GNPTG: variants seen among roughly 807,000 people sequenced by gnomAD.
The protein encoded by GNPTG is N-acetylglucosamine-1-phosphate transferase subunit gamma.
In GNPTG, 46 loss-of-function variants were observed where a neutral mutation model predicts 43.8. The observed-to-expected ratio is 1.05, with a 90% CI of 0.83 to 1.34. The LOEUF is 1.34. Ranked by LOEUF, GNPTG falls within the 40% of genes most tolerant of loss-of-function variation. The pLI, the probability that GNPTG is intolerant of heterozygous loss-of-function variation, is 0.00. For synonymous variants in GNPTG, 250 were observed against 172.8 expected (o/e 1.45, Z -3.50); for missense variants, 549 against 411.3 (o/e 1.33, Z -2.90).
chr16:1,361,512 C>T (rs905627548), intron 3 of GNPTG: 96 of 496,096 alleles, frequency 1.9e-4, no homozygotes, highest in South Asian at 6.0e-4. Flanking sequence ...GGCATGGTGG[C>T]GGGCGCCTGT....
intron 3 of GNPTG, among the ~76,000 whole-genome samples, chr16:1,353,069 A>C (rs1253847156): frequency 6.7e-6 from 1 of 149,982 alleles, no homozygotes; most frequent in African/African-American, 2.5e-5. Flanking sequence ...TCCCAGGTTC[A>C]AGCGATCCTC....
rs947674268 is a variant in GNPTG at position 1,363,248 on chromosome 16, C to T, written c.*157C>T. The stretch of plus-strand genomic sequence containing the variant: ...TTAATTCCCATACTGATAAAAATAA[C>T]TCCATGAATTCTGTAAACCATTGCA... On this transcript the variant is annotated 3_prime_UTR_variant, in exon 11 of 11. Coordinates refer to ENST00000204679, the MANE Select transcript of GNPTG (RefSeq NM_032520.5). 2.9e-6 allele frequency: 2 copies of T among 698,808 alleles called. No homozygotes were observed. The highest frequency in any genetic ancestry group is 1.6e-5 in the South Asian group (1 of 63,874). 43.3% of individuals were successfully genotyped at this position (698,808 alleles called of 1,614,324 possible).
In GNPTG at chr16:1,351,982, C is replaced by A; in HGVS notation, c.17C>A (p.Ala6Glu). MAAGLARLLLLLGLSA... is the reference protein window; with the variant it reads MAAGLERLLLLLGLSA... The stretch of plus-strand genomic sequence containing the variant: ...TGCGGCGCGATGGCGGCGGGGCTGG[C>A]GCGGCTCCTGTTGCTCCTCGGGCTC... The change falls in exon 1 of 11, where the codon GCG (alanine) becomes GAG (glutamate). Residue 6 changes from alanine to glutamate, a missense_variant. Ala to Glu is a moderately radical substitution (Grantham distance 107). Transcript: ENST00000204679. 1.4e-6 allele frequency: 2 copies of A among 1,386,838 alleles called. No homozygotes were observed. Among genetic ancestry groups the A allele is most frequent in the Non-Finnish European group, 9.3e-7 (1 of 1,072,040 alleles). 85.9% of individuals were successfully genotyped at this position (1,386,838 alleles called of 1,614,324 possible).
chr16:1,351,967 TGGC>T lies in GNPTG; in HGVS notation c.8_10del (p.Ala3?), dbSNP rs1344845304. The T allele has an allele frequency of 1.5e-6, 2 of 1,302,266 alleles. No homozygotes were observed. Among genetic ancestry groups the T allele is most frequent in the African/African-American group, 3.1e-5 (2 of 64,518 alleles). 80.7% of individuals were successfully genotyped at this position (1,302,266 alleles called of 1,614,324 possible). ...CCGCGCGGCGGCCGCTGCGGCGCGATGGCGGCGGGGCTGGCGCGGCTCCTGTTG... is the reference window on the plus strand; with the variant it reads ...CCGCGCGGCGGCCGCTGCGGCGCGATGGCGGGGCTGGCGCGGCTCCTGTTG... On this transcript the variant is annotated start_lost and inframe_deletion, in exon 1 of 11. Coordinates refer to ENST00000204679, the MANE Select transcript of GNPTG (RefSeq NM_032520.5).
Position 1,352,162 on chromosome 16 carries a change from G to A in GNPTG, c.110+3G>A. 6.3e-7 allele frequency: 1 copy of A among 1,575,244 alleles called. No homozygotes were observed. The highest frequency in any genetic ancestry group is 8.6e-7 in the Non-Finnish European group (1 of 1,162,070). ...GTGGAGGAGCCCAACGCGTTTGGGT[G>A]AGCAGCCTCGCGGGCTGGCGGCTCG... On this transcript the variant is annotated splice_donor_region_variant and intron_variant, in intron 2 of 10. Transcript: ENST00000204679.
intron 3 of GNPTG, among the ~76,000 whole-genome samples, chr16:1,356,808 CG>C (rs148005707): frequency 0.014 from 2,160 of 152,288 alleles, 54 homozygotes; most frequent in African/African-American, 0.048. Flanking sequence ...AGCCTGGGAA[CG>C]TGAGTTCCCA....
In GNPTG at chr16:1,352,145, GC is replaced by G. The variant is rs779788991; in HGVS notation, c.99del (p.Asn34ThrfsTer5). On this transcript the variant is annotated frameshift_variant, in exon 2 of 11. Transcript: ENST00000204679. LOFTEE classifies it high-confidence loss of function. ...CAGCGAAGATGAAGGTGGTGGAGGA[GC>G]CCAACGCGTTTGGGTGAGCAGCCTC... is the stretch of plus-strand genomic sequence containing the variant. ...GAAKMKVVEEPNAFGVNNPFL... is the reference protein window; with the variant it reads ...GAAKMKVVEEXNAFGVNNPFL... 6.3e-7 allele frequency: 1 copy of G among 1,581,392 alleles called. No homozygotes were observed. Among genetic ancestry groups the G allele is most frequent in the Non-Finnish European group, 8.6e-7 (1 of 1,165,420 alleles).
chr16:1,359,646 G>A (rs1248143092), intron 3 of GNPTG, among the ~76,000 whole-genome samples: 1 of 152,174 alleles, frequency 6.6e-6, no homozygotes, highest in Non-Finnish European at 1.5e-5. Context: ...CAGTATGTAC[G>A]AGTCTCTCAA....
At position 1,361,854 on chromosome 16, in the gene GNPTG, T is replaced by C. The variant is rs2034888726; in HGVS notation, c.234-18T>C. The stretch of plus-strand genomic sequence containing the variant: ...GGGCGCAGCCTGCGGACCCCCCTCA[T>C]GCCATCTGTGTCCCCAGGTACAAGT... On this transcript the variant is annotated intron_variant, in intron 4 of 10. Coordinates refer to ENST00000204679, the MANE Select transcript of GNPTG (RefSeq NM_032520.5). 2 of 1,613,958 alleles carry C rather than the reference T, an allele frequency of 1.2e-6. No individual in the cohort carries two copies. Among genetic ancestry groups the C allele is most frequent in the Non-Finnish European group, 1.7e-6 (2 of 1,179,996 alleles).
In GNPTG at chr16:1,362,596, A is replaced by G; in HGVS notation, c.610-15A>G. On this transcript the variant is annotated splice_polypyrimidine_tract_variant and intron_variant, in intron 8 of 10. Transcript: ENST00000204679. ...GCTGGGAGCTGGGTGCTGCCCCTGC[A>G]TCCTCCACCTTCAGGGCCATGAGAA... 1 of 1,614,160 alleles carries G rather than the reference A, an allele frequency of 6.2e-7. No individual in the cohort carries two copies. The highest frequency in any genetic ancestry group is 8.5e-7 in the Non-Finnish European group (1 of 1,180,028).
Position 1,352,173 on chromosome 16 carries a change from C to G in GNPTG, c.110+14C>G. ...CAACGCGTTTGGGTGAGCAGCCTCG[C>G]GGGCTGGCGGCTCGAGCGGGGGACG... On this transcript the variant is annotated intron_variant, in intron 2 of 10. Transcript: ENST00000204679. The G allele has an allele frequency of 6.4e-7, 1 of 1,568,148 alleles. No homozygotes were observed. The highest frequency in any genetic ancestry group is 8.6e-7 in the Non-Finnish European group (1 of 1,158,166).
chr16:1,360,955 C>G (rs1165143713), intron 3 of GNPTG: 1 of 152,474 alleles, frequency 6.6e-6, no homozygotes, highest in Non-Finnish European at 1.5e-5. Flanking sequence ...GTGGGGAAGA[C>G]AGGGTCTTGC....
intron 3 of GNPTG, among the ~76,000 whole-genome samples, chr16:1,359,970 G>A (rs1401450827): frequency 2.0e-5 from 3 of 152,204 alleles, no homozygotes; most frequent in South Asian, 2.1e-4. Context: ...TTAGCCAGCC[G>A]TGATGGCAGG....
intron 3 of GNPTG, among the ~76,000 whole-genome samples, chr16:1,360,307 C>T (rs1215207913): frequency 2.0e-5 from 3 of 152,126 alleles, no homozygotes; most frequent in Admixed American, 6.5e-5. Flanking sequence ...TCACTTTCAA[C>T]CTGTTTATGT....
intron 3 of GNPTG, among the ~76,000 whole-genome samples, chr16:1,354,505 G>A (rs2034737273): frequency 7.2e-6 from 1 of 138,172 alleles, no homozygotes; most frequent in Non-Finnish European, 1.5e-5. Context: ...AGAATTGCTT[G>A]AATCCAGGAG....
At chr16:1,355,410 A>G (rs893253968) in intron 3 of GNPTG, among the ~76,000 whole-genome samples, 1 of 152,088 alleles carries the variant, frequency 6.6e-6, no homozygotes, top group Non-Finnish European at 1.5e-5. Flanking sequence ...AGGGCTCAGA[A>G]GGTCCCCGCA....
intron 3 of GNPTG, among the ~76,000 whole-genome samples, chr16:1,356,894 C>A (rs922717639): frequency 1.7e-3 from 11 of 6,326 alleles, no homozygotes; most frequent in African/African-American, 3.8e-3. Context: ...GGTCTGCGGG[C>A]GGGAGTGTGC....
chr16:1,352,111 C>T lies in GNPTG; in HGVS notation c.62C>T (p.Pro21Leu), dbSNP rs747111791. The T allele has an allele frequency of 5.7e-6, 9 of 1,576,222 alleles. No homozygotes were observed. The South Asian group carries it at 8.1e-5, about 14-fold the overall frequency. ...GTCTCGCTCCCCGTAGGGCCCGCGCCGGCAGGTGCAGCGAAGATGAAGGTG... is the reference window on the plus strand; with the variant it reads ...GTCTCGCTCCCCGTAGGGCCCGCGCTGGCAGGTGCAGCGAAGATGAAGGTG... ...LLGLSAGGPA[P>L]AGAAKMKVVE... The change falls in exon 2 of 11, where the codon CCG (proline) becomes CTG (leucine). Residue 21 changes from proline (P) to leucine (L), a missense_variant. Pro to Leu is a moderately conservative substitution (Grantham distance 98). Transcript: ENST00000204679.
At chr16:1,358,669 T>C (rs986005857) in intron 3 of GNPTG, among the ~76,000 whole-genome samples, 8 of 152,106 alleles carry the variant, frequency 5.3e-5, no homozygotes, top group Admixed American at 6.6e-5. Flanking sequence ...ACCACCAAAC[T>C]GTTTGCATAG....
Sources: gnomAD v4.1 joint callset for allele counts (sites outside exome capture counted in the v4.1 genomes callset) on GRCh38, gnomAD v4.1.1 for gene constraint, MANE v1.5 for transcripts, NCBI Gene and HGNC (gene_info 2026-07-23, HGNC 2026-07-21) for gene names.